The following PLA2G6 variants were observed in gnomAD, a reference collection of about 807,000 sequenced individuals.
PLA2G6 encodes phospholipase A2 group VI, also known as 85/88 kDa calcium-independent phospholipase A2.
In PLA2G6, 62 loss-of-function variants were observed where a neutral mutation model predicts 83.8. The observed-to-expected ratio is 0.74, with a 90% CI of 0.60 to 0.91. PLA2G6 has a LOEUF of 0.91. Ranked by LOEUF, PLA2G6 falls within the 40% of genes least tolerant of loss-of-function variation. The pLI, the probability that PLA2G6 is intolerant of heterozygous loss-of-function variation, is 0.00. For missense variants in PLA2G6, 944 were observed against 1,102.0 expected (o/e 0.86, Z 2.03); for synonymous variants, 417 against 449.8 (o/e 0.93, Z 0.92).
intron 11 of PLA2G6, among the ~76,000 whole-genome samples, chr22:38,122,435 G>A (rs573834119): frequency 6.6e-6 from 1 of 152,196 alleles, no homozygotes; most frequent in South Asian, 2.1e-4. Flanking sequence ...CAGAGGAGCC[G>A]TCACAACACT....
At position 38,129,545 on chromosome 22, in the gene PLA2G6, C is replaced by A. The variant is rs149554238; in HGVS notation, c.1095G>T (p.Met365Ile). ...CTCCGAACACGATGAGGGCCTTGAT[C>A]ATCTCCACGTTGTCTTTCTGTTGGA... is the stretch of plus-strand genomic sequence containing the variant. ...HLAMSKDNVE[M>I]IKALIVFGAE... The change falls in exon 8 of 17, where the codon ATG becomes ATT. Residue 365 changes from methionine (M) to isoleucine (I), a missense_variant. Met to Ile is a conservative substitution (Grantham distance 10, BLOSUM62 1). Coordinates refer to ENST00000332509, the MANE Select transcript of PLA2G6 (RefSeq NM_003560.4). 17 of 1,613,574 alleles carry A rather than the reference C, an allele frequency of 1.1e-5. No homozygotes were observed. In the African/African-American group the frequency reaches 2.1e-4, roughly 20 times the overall value.
At chr22:38,134,957 G>GCCCCCCCCCCCCCCC in intron 6 of PLA2G6, 31 bp downstream of exon 6, 2 of 995,352 alleles carry the variant, frequency 2.0e-6, no homozygotes, top group South Asian at 1.3e-5. Flanking sequence ...CCGGCCCCCT[G>GCCCCCCCCCCCCCCC]CCCCACCCAC....
intron 2 of PLA2G6, among the ~76,000 whole-genome samples, chr22:38,156,517 G>T (rs1013811225): frequency 6.6e-6 from 1 of 151,906 alleles, no homozygotes; most frequent in East Asian, 1.9e-4. Context: ...GCAGCGGCGC[G>T]ATCTCGGCTC....
chr22:38,113,191 C>T (rs532133182), intron 15 of PLA2G6, among the ~76,000 whole-genome samples: 10 of 152,220 alleles, frequency 6.6e-5, no homozygotes, highest in African/African-American at 1.9e-4. Context: ...ACAGGGTGAG[C>T]GCCCAGCCCG....
At chr22:38,131,266 C>G (rs952784387) in intron 7 of PLA2G6, 6 of 152,212 alleles carry the variant, frequency 3.9e-5, no homozygotes, top group Non-Finnish European at 8.8e-5. Flanking sequence ...CTCAGGTGAT[C>G]TGACCATCTT....
At chr22:38,140,366 G>A (rs2088830382) in intron 4 of PLA2G6, 197 bp from the exon 5 acceptor site, 2 of 557,034 alleles carry the variant, frequency 3.6e-6, no homozygotes, top group South Asian at 1.9e-5. Flanking sequence ...AAATTAGCCG[G>A]GCATGGTGGC....
chr22:38,148,860 T>A, intron 2 of PLA2G6: 2 of 32,452 alleles, frequency 6.2e-5, no homozygotes, highest in Admixed American at 3.3e-4. Context: ...AGATTATTTC[T>A]TTTTTTTTTT....
At chr22:38,176,199 TTATA>T (rs893890983) in intron 1 of PLA2G6, among the ~76,000 whole-genome samples, 1 of 152,082 alleles carries the variant, frequency 6.6e-6, no homozygotes, top group South Asian at 2.1e-4. Flanking sequence ...AAGTTCAGCT[TTATA>T]TATAGTCAGG....
intron 2 of PLA2G6, among the ~76,000 whole-genome samples, chr22:38,163,145 C>A (rs1406766006): frequency 6.6e-6 from 1 of 152,204 alleles, no homozygotes; most frequent in African/African-American, 2.4e-5. Context: ...AGGACCCTCA[C>A]GCTAGAGCAG....
intron 5 of PLA2G6, chr22:38,139,570 G>A (rs145468907): frequency 0.015 from 2,545 of 171,438 alleles, 60 homozygotes; most frequent in African/African-American, 0.057. Context: ...AAGTAGCTGG[G>A]ATTACAGGCA....
intron 2 of PLA2G6, among the ~76,000 whole-genome samples, chr22:38,163,846 G>A (rs1378147197): frequency 1.3e-5 from 2 of 152,108 alleles, no homozygotes; most frequent in Non-Finnish European, 2.9e-5. Flanking sequence ...TGAATGGATG[G>A]AGGAGCTGGC....
At chr22:38,177,624 G>A (rs1028414653) in intron 1 of PLA2G6, among the ~76,000 whole-genome samples, 55 of 151,912 alleles carry the variant, frequency 3.6e-4, no homozygotes, top group East Asian at 7.7e-4. Context: ...CACCACACTC[G>A]GCTAATTTTT....
Position 38,112,067 on chromosome 22 carries a change from G to C in PLA2G6, c.*94C>G. The C allele has an allele frequency of 1.4e-6, 2 of 1,430,506 alleles. No homozygotes were observed. Among genetic ancestry groups the C allele is most frequent in the Non-Finnish European group, 1.9e-6 (2 of 1,039,864 alleles). 88.6% of individuals were successfully genotyped at this position (1,430,506 alleles called of 1,614,324 possible). On this transcript the variant is annotated 3_prime_UTR_variant, in exon 17 of 17. Transcript: ENST00000332509. ...TGGTCTATGGACTCAGAGGTGCCTG[G>C]GCCCAGATCTGCCCGGGAGGGCAGT...
chr22:38,125,173 C>T (rs1430638646), intron 10 of PLA2G6, among the ~76,000 whole-genome samples: 1 of 151,896 alleles, frequency 6.6e-6, no homozygotes, highest in Non-Finnish European at 1.5e-5. Flanking sequence ...TGCATGCATG[C>T]ATGTGTATGT....
chr22:38,124,565 T>C (rs2087721361), intron 10 of PLA2G6, among the ~76,000 whole-genome samples: 1 of 152,160 alleles, frequency 6.6e-6, no homozygotes, highest in African/African-American at 2.4e-5. Context: ...AAGCCTGCCC[T>C]GATGCCATCG....
chr22:38,127,757 A>G (rs1001783269), intron 9 of PLA2G6, among the ~76,000 whole-genome samples: 7 of 152,210 alleles, frequency 4.6e-5, no homozygotes, highest in African/African-American at 1.7e-4. Flanking sequence ...CTCCCTGGGC[A>G]CCAAGGAATG....
intron 2 of PLA2G6, chr22:38,146,785 T>TTCTTTTC (rs1455213365): frequency 1.4e-5 from 2 of 147,374 alleles, no homozygotes; most frequent in Non-Finnish European, 3.0e-5. Context: ...TTCTTTTCTT[T>TTCTTTTC]TTTTTTTTTT....
At position 38,154,394 on chromosome 22, in the gene PLA2G6, C is replaced by T. The variant is rs2089694050; in HGVS notation, c.210-8741G>A. On this transcript the variant is annotated intron_variant, in intron 2 of 16. Transcript: ENST00000332509. The stretch of plus-strand genomic sequence containing the variant: ...CACCCCTCTCCTAGCTCCAGGCGGC[C>T]CAGCACAGAGAGAGAGACTCCACTT... 1.3e-5 allele frequency among the ~76,000 whole-genome samples: 2 copies of T among 152,156 alleles called. 1 individual carries two copies. Among genetic ancestry groups the T allele is most frequent in the South Asian group, 4.1e-4 (2 of 4,830 alleles).
intron 7 of PLA2G6, among the ~76,000 whole-genome samples, chr22:38,129,892 G>C (rs899129378): frequency 3.3e-4 from 50 of 152,232 alleles, no homozygotes; most frequent in African/African-American, 1.2e-3. Context: ...GGAGCCATGG[G>C]GACACAGTAG....
Sources: allele counts gnomAD v4.1 joint callset (sites outside exome capture counted in the v4.1 genomes callset), GRCh38; gene constraint gnomAD v4.1.1; transcripts MANE v1.5; gene names NCBI Gene and HGNC (gene_info 2026-07-23, HGNC 2026-07-21).